Variants in NAA40 observed in about 807,000 individuals in gnomAD.
The protein encoded by NAA40 is N-alpha-acetyltransferase 40.
A neutral mutation model predicts 36.6 loss-of-function variants in NAA40; 26 were observed. The ratio of observed to expected loss-of-function variants is 0.71; its 90% CI spans 0.52 to 0.98. NAA40 has a LOEUF of 0.98. Among genes scored for constraint, NAA40 ranks in the 50% least tolerant of loss-of-function variants. The pLI is 0.00. For missense variants in NAA40, 237 were observed against 306.5 expected, an observed-to-expected ratio of 0.77 and a Z score of 1.69; for synonymous variants, 129 against 108.4, an observed-to-expected ratio of 1.19 and a Z score of -1.18.
In NAA40 at chr11:63,952,265, A is replaced by G; in HGVS notation, c.183A>G (p.Arg61=). 1 of 1,613,378 alleles carries G rather than the reference A, an allele frequency of 6.2e-7. No individual in the cohort carries two copies. The highest frequency in any genetic ancestry group is 8.5e-7 in the Non-Finnish European group (1 of 1,179,608). ...NGLNVSIECK[R]VSGLEPATVD... ...TGAATGTCTCCATTGAATGTAAGCG[A>G]GTGTCTGGACTGGAGCCAGCCACCG... The change falls in exon 4 of 8, where the codon CGA becomes CGG. Residue 61 remains arginine, a synonymous_variant. Coordinates refer to ENST00000377793, the MANE Select transcript of NAA40 (RefSeq NM_024771.4).
At chr11:63,949,411 A>G (rs1942239917) in intron 3 of NAA40, among the ~76,000 whole-genome samples, 1 of 152,082 alleles carries the variant, frequency 6.6e-6, no homozygotes, top group African/African-American at 2.4e-5. Context: ...CCAAATAGTA[A>G]TCATCGTACC....
chr11:63,946,443 A>G (rs1942188132), intron 2 of NAA40: 1 of 834,758 alleles, frequency 1.2e-6, no homozygotes, highest in Admixed American at 4.9e-5. Context: ...GAGCCCAAGC[A>G]TTTCACCTGC....
Position 63,952,925 on chromosome 11 carries a change from T to C in NAA40, c.494+86T>C, listed in dbSNP as rs1003199251. ...GCACTTGCCATTCTTTGAGCCTTGT[T>C]GGAGGAGGAGGCTCATAGGCATGTT... On this transcript the variant is annotated intron_variant, in intron 6 of 7. Transcript: ENST00000377793. 1.1e-5 allele frequency: 13 copies of C among 1,199,640 alleles called. 1 individual carries two copies. In the African/African-American group the frequency reaches 1.7e-4, roughly 15 times the overall value. The allele number at this position is 1,199,640 out of a possible 1,614,324, so 74.3% of individuals were successfully genotyped here.
chr11:63,939,005 C>T lies in NAA40; in HGVS notation c.-92C>T. The T allele has an allele frequency of 7.8e-7, 1 of 1,279,872 alleles. No individual in the cohort carries two copies. Among genetic ancestry groups the T allele is most frequent in the South Asian group, 1.2e-5 (1 of 81,592 alleles). 79.3% of individuals were successfully genotyped at this position (1,279,872 alleles called of 1,614,324 possible). On this transcript the variant is annotated 5_prime_UTR_variant, in exon 1 of 8. Transcript: ENST00000377793. ...GGCGCATGCGCGTTGCAGGGCCGTCCGCTCTGCTGCCGCCGCTGTTGCAGC... is the reference window on the plus strand; with the variant it reads ...GGCGCATGCGCGTTGCAGGGCCGTCTGCTCTGCTGCCGCCGCTGTTGCAGC...
chr11:63,946,179 C>T, intron 2 of NAA40: 1 of 534,592 alleles, frequency 1.9e-6, no homozygotes, highest in East Asian at 3.1e-5. Context: ...GATCTTCTTC[C>T]TTATGAATAG....
intron 1 of NAA40, among the ~76,000 whole-genome samples, chr11:63,944,115 ACT>A: frequency 6.6e-6 from 1 of 151,970 alleles, no homozygotes; most frequent in African/African-American, 2.4e-5. Context: ...TGGTATCTGA[ACT>A]CCTTTCTTCT....
In NAA40 at chr11:63,954,148, G is replaced by A. The variant is rs1942325565; in HGVS notation, c.572+99G>A. On this transcript the variant is annotated intron_variant, in intron 7 of 7. Transcript: ENST00000377793. ...CACTCATTCTGATGCCTGAGCTCAT[G>A]GTCCAGTGGTCCATGGGGGTTCAGG... 1.9e-5 allele frequency: 27 copies of A among 1,399,230 alleles called. 1 individual carries two copies. The South Asian group carries it at 3.3e-4, about 17-fold the overall frequency. 86.7% of individuals were successfully genotyped at this position (1,399,230 alleles called of 1,614,324 possible). A position where few individuals can be genotyped will look rare whatever the true frequency, so the allele number is the denominator to read the frequency against.
At chr11:63,952,138 C>T in intron 3 of NAA40, 100 bp from the exon 4 acceptor site, 1 of 920,166 alleles carries the variant, frequency 1.1e-6, no homozygotes, top group Non-Finnish European at 1.7e-6. Context: ...TGTGCAGTAA[C>T]TGAGACTGGG....
chr11:63,941,441 T>A lies in NAA40; in HGVS notation c.6+2339T>A, dbSNP rs2134265364. Reference sequence around the variant, plus strand: ...TTGCTTCACCAAAAACAGATTCTTTTTGGATATTGGATAGTATATGGGGTA... The same window carrying A: ...TTGCTTCACCAAAAACAGATTCTTTATGGATATTGGATAGTATATGGGGTA... On this transcript the variant is annotated intron_variant, in intron 1 of 7. Coordinates refer to ENST00000377793, the MANE Select transcript of NAA40 (RefSeq NM_024771.4). Among the ~76,000 whole-genome samples, 3 of 152,344 alleles carry A rather than the reference T, an allele frequency of 2.0e-5. No individual in the cohort carries two copies. The Middle Eastern group carries it at 0.01, about 518-fold the overall frequency.
chr11:63,952,166 C>G (rs1942289416), intron 3 of NAA40, 72 bp from the exon 4 acceptor site: 1 of 1,211,382 alleles, frequency 8.3e-7, no homozygotes, highest in Non-Finnish European at 1.2e-6. Flanking sequence ...CCCTGTGATT[C>G]TGAGGGAGGA....
At chr11:63,951,679 G>A (rs986175412) in intron 3 of NAA40, among the ~76,000 whole-genome samples, 11 of 150,556 alleles carry the variant, frequency 7.3e-5, no homozygotes, top group African/African-American at 2.7e-4. Context: ...TATCCCCCCT[G>A]CTCAGATGAG....
chr11:63,946,429 T>C, intron 2 of NAA40: 1 of 694,062 alleles, frequency 1.4e-6, no homozygotes, highest in Non-Finnish European at 1.9e-6. Context: ...GGTCTTGAAC[T>C]CCTGAGCCCA....
chr11:63,953,294 C>T (rs1432839511), intron 6 of NAA40, among the ~76,000 whole-genome samples: 1 of 152,208 alleles, frequency 6.6e-6, no homozygotes, highest in Non-Finnish European at 1.5e-5. Context: ...ATCTACCTAC[C>T]TCAGCCTCCC....
rs779788917 is a variant in NAA40, at chr11:63,952,975, C to G, written c.494+136C>G. The G allele has an allele frequency of 9.0e-6, 6 of 665,232 alleles. No homozygotes were observed. In the Admixed American group the frequency reaches 1.6e-4, roughly 18 times the overall value. 41.2% of individuals were successfully genotyped at this position (665,232 alleles called of 1,614,324 possible). A position where few individuals can be genotyped will look rare whatever the true frequency, so the allele number is the denominator to read the frequency against. On this transcript the variant is annotated intron_variant, in intron 6 of 7. Transcript: ENST00000377793. ...TTTGGGAGAAAGGTGTCTTAGAACC[C>G]TCTCAGTAAGATGCTCCCTGCCTTA...
Position 63,954,650 on chromosome 11 carries a change from C to G in NAA40, c.*171C>G. 4.9e-6 allele frequency: 3 copies of G among 606,864 alleles called. No homozygotes were observed. Among genetic ancestry groups the G allele is most frequent in the Non-Finnish European group, 5.2e-6 (2 of 388,054 alleles). 37.6% of individuals were successfully genotyped at this position (606,864 alleles called of 1,614,324 possible). ...GGAGAAGTGGTATCAGCTGCTCCTC[C>G]TCTCCTAGGAGACCAGAGTGCTAGA... On this transcript the variant is annotated 3_prime_UTR_variant, in exon 8 of 8. Transcript: ENST00000377793.
chr11:63,944,337 TG>T (rs1942152716), intron 1 of NAA40, among the ~76,000 whole-genome samples: 1 of 151,794 alleles, frequency 6.6e-6, no homozygotes, highest in African/African-American at 2.4e-5. Flanking sequence ...GGAGGGGTGT[TG>T]GGGGGGAGGT....
In NAA40 at chr11:63,956,573, G is replaced by C. The variant is rs1361526143; in HGVS notation, c.*2094G>C. The C allele has an allele frequency of 6.6e-6, 1 of 152,586 alleles. No homozygotes were observed. The highest frequency in any genetic ancestry group is 1.5e-5 in the Non-Finnish European group (1 of 68,042). 9.5% of individuals were successfully genotyped at this position (152,586 alleles called of 1,614,324 possible). The stretch of plus-strand genomic sequence containing the variant: ...GGGTTCCTCAGGAGGTCGGGACTAG[G>C]GTGGGAGAGGCACTATCTGAGACCT... On this transcript the variant is annotated 3_prime_UTR_variant, in exon 8 of 8. Transcript: ENST00000377793.
chr11:63,940,734 C>T (rs1036828749), intron 1 of NAA40, among the ~76,000 whole-genome samples: 1 of 151,720 alleles, frequency 6.6e-6, no homozygotes, highest in Non-Finnish European at 1.5e-5. Context: ...ATCGACTGAA[C>T]AAATCAACTT....
intron 3 of NAA40, among the ~76,000 whole-genome samples, chr11:63,950,359 TC>T (rs1181482793): frequency 3.9e-5 from 6 of 152,054 alleles, no homozygotes; most frequent in Admixed American, 3.9e-4. Context: ...CCTCAGGTGA[TC>T]CACCTGCCTC....
Sources: allele counts gnomAD v4.1 joint callset (sites outside exome capture counted in the v4.1 genomes callset), GRCh38; gene constraint gnomAD v4.1.1; transcripts MANE v1.5; gene names NCBI Gene and HGNC (gene_info 2026-07-23, HGNC 2026-07-21).